Variants in RBFOX1 observed in about 807,000 individuals in gnomAD.
RBFOX1 encodes RNA binding protein fox-1 homolog 1.
In RBFOX1, 8 loss-of-function variants were observed where a neutral mutation model predicts 57.7. That is an observed-to-expected ratio of 0.14 (90% confidence interval 0.08 to 0.25). The LOEUF is 0.25. RBFOX1 is among the 10% of genes least tolerant of loss of function. The probability of loss-of-function intolerance (pLI) is 1.00; values close to 1 mark genes in which losing one functional copy is unlikely to be tolerated. For missense variants in RBFOX1, 611 were observed against 548.5 expected (o/e 1.11, Z -1.14); for synonymous variants, 326 against 222.4 (o/e 1.47, Z -4.15).
intron 1 of RBFOX1, among the ~76,000 whole-genome samples, chr16:6,284,916 C>T (rs2076747059): frequency 6.6e-6 from 1 of 152,134 alleles, no homozygotes; most frequent in Non-Finnish European, 1.5e-5. Context: ...AACAAATACG[C>T]TTCCAAATGG....
chr16:7,630,644 A>G lies in RBFOX1; in HGVS notation c.718A>G (p.Met240Val), dbSNP rs368304119. Reference sequence around the variant, plus strand: ...CCAGGCCAACCAGGAGGGATCTTCCATGTACAGTGCCCCCAGTTCACTTGT... The same window carrying G: ...CCAGGCCAACCAGGAGGGATCTTCCGTGTACAGTGCCCCCAGTTCACTTGT... ...LCQANQEGSSMYSAPSSLVYT... is the reference protein window; with the variant it reads ...LCQANQEGSSVYSAPSSLVYT... The change falls in exon 11 of 16, where the codon ATG becomes GTG. Residue 240 changes from methionine to valine, a missense_variant. Met to Val is a conservative substitution (Grantham distance 21). Coordinates refer to ENST00000550418, the MANE Select transcript of RBFOX1 (RefSeq NM_018723.4). 1 of 1,614,008 alleles carries G rather than the reference A, an allele frequency of 6.2e-7. No individual in the cohort carries two copies. The highest frequency in any genetic ancestry group is 1.3e-5 in the African/African-American group (1 of 74,896).
chr16:6,603,218 G>C (rs2097877839), intron 2 of RBFOX1, among the ~76,000 whole-genome samples: 1 of 152,162 alleles, frequency 6.6e-6, no homozygotes, highest in Non-Finnish European at 1.5e-5. Flanking sequence ...ACTTGTCTCA[G>C]GGCCAAGTAT....
intron 3 of RBFOX1, among the ~76,000 whole-genome samples, chr16:6,656,902 A>ACCCTCTCCTCTCCTCCC (rs2098658547): frequency 2.2e-5 from 1 of 44,640 alleles, no homozygotes; most frequent in Non-Finnish European, 4.1e-5. Context: ...CCTCCCCTCA[A>ACCCTCTCCTCTCCTCCC]CTCTCCTCTC....
At chr16:6,186,829 T>G (rs755758858) in intron 1 of RBFOX1, among the ~76,000 whole-genome samples, 1 of 152,074 alleles carries the variant, frequency 6.6e-6, no homozygotes, top group Non-Finnish European at 1.5e-5. Context: ...GTGGGCAGTA[T>G]TGGGCATAGC....
chr16:6,855,373 C>A (rs1006683206), intron 3 of RBFOX1, among the ~76,000 whole-genome samples: 1 of 151,790 alleles, frequency 6.6e-6, no homozygotes, highest in Non-Finnish European at 1.5e-5. Context: ...AGATCTTGGC[C>A]GGGCGCAGTG....
chr16:5,922,837 T>A (rs965017292), intron 4 of RBFOX1, among the ~76,000 whole-genome samples: 1 of 152,152 alleles, frequency 6.6e-6, no homozygotes, highest in Non-Finnish European at 1.5e-5. Flanking sequence ...CAGAAGGAAG[T>A]GTAAAATATT....
intron 3 of RBFOX1, among the ~76,000 whole-genome samples, chr16:6,898,442 T>C (rs1312467458): frequency 6.6e-6 from 1 of 152,154 alleles, no homozygotes; most frequent in Non-Finnish European, 1.5e-5. Flanking sequence ...TAGTAAGCAT[T>C]TGGAATCAGC....
intron 3 of RBFOX1, among the ~76,000 whole-genome samples, chr16:6,722,403 A>T (rs1374459560): frequency 2.0e-5 from 3 of 152,220 alleles, no homozygotes; most frequent in African/African-American, 7.2e-5. Flanking sequence ...TCATGTCCTT[A>T]GGAAGTATAT....
intron 4 of RBFOX1, among the ~76,000 whole-genome samples, chr16:7,517,656 C>G (rs980826049): frequency 6.6e-6 from 1 of 151,978 alleles, no homozygotes; most frequent in Non-Finnish European, 1.5e-5. Flanking sequence ...TCACATAAAA[C>G]TTTGATTAAA....
At chr16:7,497,834 G>A (rs908962546) in intron 4 of RBFOX1, among the ~76,000 whole-genome samples, 6 of 152,184 alleles carry the variant, frequency 3.9e-5, no homozygotes, top group East Asian at 1.9e-4. Flanking sequence ...ATACTGGAGC[G>A]TTTTCAAGAG....
At chr16:7,345,604 G>A (rs1328090208) in intron 4 of RBFOX1, among the ~76,000 whole-genome samples, 1 of 152,112 alleles carries the variant, frequency 6.6e-6, no homozygotes, top group Non-Finnish European at 1.5e-5. Context: ...CATACAGAAC[G>A]CCAGTCATCA....
At chr16:7,539,924 G>C (rs141018766) in intron 5 of RBFOX1, among the ~76,000 whole-genome samples, 1 of 152,322 alleles carries the variant, frequency 6.6e-6, no homozygotes, top group East Asian at 1.9e-4. Flanking sequence ...CTTGGAGGTA[G>C]GCATTTCCTG....
intron 4 of RBFOX1, among the ~76,000 whole-genome samples, chr16:7,105,201 TAG>T (rs1399447027): frequency 6.6e-6 from 1 of 151,962 alleles, no homozygotes; most frequent in African/African-American, 2.4e-5. Context: ...GGCTTGGCAG[TAG>T]TCTATGGAGA....
chr16:6,646,555 C>T (rs181713168), intron 2 of RBFOX1, among the ~76,000 whole-genome samples: 132 of 152,172 alleles, frequency 8.7e-4, no homozygotes, highest in Non-Finnish European at 1.5e-3. Flanking sequence ...ACACCTGCCA[C>T]TTCTGTGTGG....
intron 1 of RBFOX1, among the ~76,000 whole-genome samples, chr16:6,061,682 A>C (rs34789816): frequency 3.3e-5 from 5 of 152,122 alleles, no homozygotes; most frequent in Admixed American, 6.6e-5. Flanking sequence ...AAATCTATGT[A>C]CATAGATTTA....
At chr16:6,081,236 G>A (rs1421899677) in intron 1 of RBFOX1, among the ~76,000 whole-genome samples, 2 of 152,150 alleles carry the variant, frequency 1.3e-5, no homozygotes, top group African/African-American at 4.8e-5. Context: ...AGGTGTGTTG[G>A]TTCAGGTTAA....
At chr16:6,333,546 C>G (rs1023194343) in intron 2 of RBFOX1, among the ~76,000 whole-genome samples, 4 of 152,142 alleles carry the variant, frequency 2.6e-5, no homozygotes, top group Admixed American at 1.3e-4. Flanking sequence ...TTCTCATCAG[C>G]TTTTCATCCT....
At chr16:6,875,079 C>A (rs1347968574) in intron 3 of RBFOX1, among the ~76,000 whole-genome samples, 1 of 152,132 alleles carries the variant, frequency 6.6e-6, no homozygotes, top group Non-Finnish European at 1.5e-5. Context: ...AATGTAAGGA[C>A]TCAAAATGTA....
intron 3 of RBFOX1, among the ~76,000 whole-genome samples, chr16:6,964,549 G>T (rs2083691397): frequency 1.3e-5 from 2 of 152,132 alleles, no homozygotes; most frequent in Non-Finnish European, 2.9e-5. Context: ...CCTGTGTGGG[G>T]CCAGTGAGGG....
Sources: gnomAD v4.1 joint callset for allele counts (sites outside exome capture counted in the v4.1 genomes callset) on GRCh38, gnomAD v4.1.1 for gene constraint, MANE v1.5 for transcripts, NCBI Gene and HGNC (gene_info 2026-07-23, HGNC 2026-07-21) for gene names.